MTUS2: variants seen among roughly 807,000 people sequenced by gnomAD.
The protein encoded by MTUS2 is microtubule associated scaffold protein 2, also known as microtubule-associated tumor suppressor candidate 2.
A neutral mutation model predicts 114.1 loss-of-function variants in MTUS2; 40 were observed. The observed-to-expected ratio is 0.35, with a 90% confidence interval of 0.27 to 0.46. The LOEUF (loss-of-function observed/expected upper bound fraction) is 0.46, where lower values mean the gene tolerates loss of function less well. MTUS2 is among the 20% of genes least tolerant of loss of function. The pLI is 1.00. For synonymous variants in MTUS2, 688 were observed against 672.0 expected (o/e 1.02, Z -0.37); for missense variants, 1,679 against 1,705.4 (o/e 0.98, Z 0.27).
chr13:28,831,736 T>TTC (rs1874694013), intron 1 of MTUS2, among the ~76,000 whole-genome samples: 1 of 150,816 alleles, frequency 6.6e-6, no homozygotes, highest in African/African-American at 2.4e-5. Flanking sequence ...TTCCTTCCTT[T>TTC]CTTCCTTCCT....
chr13:29,161,807 T>G (rs1445906913), intron 5 of MTUS2, among the ~76,000 whole-genome samples: 1 of 152,222 alleles, frequency 6.6e-6, no homozygotes, highest in Non-Finnish European at 1.5e-5. Flanking sequence ...AGCGTCCCTC[T>G]TGCTGTGTTT....
chr13:29,290,147 C>A (rs918882064), intron 6 of MTUS2, among the ~76,000 whole-genome samples: 2 of 152,168 alleles, frequency 1.3e-5, no homozygotes, highest in African/African-American at 4.8e-5. Context: ...GTAATACTTT[C>A]GGTGCCTTTC....
intron 2 of MTUS2, among the ~76,000 whole-genome samples, chr13:28,895,789 A>T (rs1219969629): frequency 1.3e-5 from 2 of 152,202 alleles, no homozygotes; most frequent in African/African-American, 2.4e-5. Context: ...ATGTAAATGA[A>T]TTAACGTTAA....
At chr13:29,305,899 G>A (rs1899428064) in intron 6 of MTUS2, among the ~76,000 whole-genome samples, 1 of 152,136 alleles carries the variant, frequency 6.6e-6, no homozygotes, top group East Asian at 1.9e-4. Context: ...GAAAATACTG[G>A]CAAACTGAAT....
chr13:29,158,135 C>T (rs1892941561), intron 5 of MTUS2, among the ~76,000 whole-genome samples: 2 of 152,144 alleles, frequency 1.3e-5, no homozygotes, highest in Admixed American at 1.3e-4. Flanking sequence ...TCCAAGGGGA[C>T]TGTCCCTCCC....
chr13:29,290,362 C>A (rs531509159), intron 6 of MTUS2, among the ~76,000 whole-genome samples: 3 of 152,228 alleles, frequency 2.0e-5, no homozygotes, highest in Admixed American at 6.5e-5. Context: ...TGGAGTCTTG[C>A]TCTGTCTCCC....
At chr13:29,082,993 C>A (rs2138737836) in intron 4 of MTUS2, among the ~76,000 whole-genome samples, 1 of 152,098 alleles carries the variant, frequency 6.6e-6, no homozygotes, top group South Asian at 2.1e-4. Flanking sequence ...GGAGGGAAGC[C>A]CATTGAAGAT....
At chr13:29,492,778 C>T in intron 12 of MTUS2, 59 bp downstream of exon 12, 1 of 1,303,234 alleles carries the variant, frequency 7.7e-7, no homozygotes, top group South Asian at 1.2e-5. Context: ...TCATTATTCC[C>T]ACCCACAAAC....
intron 5 of MTUS2, among the ~76,000 whole-genome samples, chr13:29,214,245 G>A (rs1013541786): frequency 1.3e-5 from 2 of 150,764 alleles, no homozygotes; most frequent in East Asian, 1.9e-4. Context: ...TTGAGCCTAT[G>A]TGTGTCTTTG....
At chr13:29,059,720 C>T (rs117545903) in intron 4 of MTUS2, among the ~76,000 whole-genome samples, 2,036 of 152,262 alleles carry the variant, frequency 0.013, 29 homozygotes, top group Non-Finnish European at 0.021. Context: ...GAGTTGGGGT[C>T]GGGTGGAGTC....
chr13:29,390,170 G>GTA (rs137970456), intron 8 of MTUS2, among the ~76,000 whole-genome samples: 5,090 of 147,952 alleles, frequency 0.034, 398 homozygotes, highest in African/African-American at 0.12. Flanking sequence ...ACTTGTGTGT[G>GTA]TGTGTGTTTA....
At chr13:29,055,807 G>C (rs1410910788) in intron 4 of MTUS2, among the ~76,000 whole-genome samples, 1 of 151,662 alleles carries the variant, frequency 6.6e-6, no homozygotes, top group Admixed American at 6.6e-5. Context: ...TTAATGATTA[G>C]TAATGTTGGG....
At chr13:29,421,499 A>G (rs1257804141) in intron 8 of MTUS2, among the ~76,000 whole-genome samples, 1 of 152,212 alleles carries the variant, frequency 6.6e-6, no homozygotes, top group African/African-American at 2.4e-5. Context: ...CAAACTGCAT[A>G]GAACACCAAA....
intron 2 of MTUS2, among the ~76,000 whole-genome samples, chr13:28,903,015 A>G (rs1879740059): frequency 6.6e-6 from 1 of 152,144 alleles, no homozygotes; most frequent in African/African-American, 2.4e-5. Context: ...AGGGCTGTTC[A>G]AATGATTTCT....
At chr13:29,356,037 A>T (rs1023313989) in intron 7 of MTUS2, among the ~76,000 whole-genome samples, 1 of 152,176 alleles carries the variant, frequency 6.6e-6, no homozygotes, top group Admixed American at 6.5e-5. Context: ...GGCTGCCTGC[A>T]TGGTGAGGTC....
chr13:28,880,307 C>T (rs1159507054), intron 2 of MTUS2, among the ~76,000 whole-genome samples: 1 of 152,142 alleles, frequency 6.6e-6, no homozygotes, highest in Non-Finnish European at 1.5e-5. Flanking sequence ...GAAAAAAATA[C>T]ATTTTATTAA....
chr13:29,253,671 T>G (rs1450992179), intron 5 of MTUS2, among the ~76,000 whole-genome samples: 6 of 152,148 alleles, frequency 3.9e-5, no homozygotes, highest in Admixed American at 3.9e-4. Flanking sequence ...ACCGTATTAG[T>G]CCATTTTCAT....
intron 5 of MTUS2, among the ~76,000 whole-genome samples, chr13:29,156,802 CAAAATG>C (rs1463546945): frequency 1.3e-5 from 2 of 152,144 alleles, no homozygotes; most frequent in African/African-American, 4.8e-5. Context: ...ACTCAACACT[CAAAATG>C]AATATGAATT....
intron 7 of MTUS2, among the ~76,000 whole-genome samples, chr13:29,339,386 T>C (rs1351230443): frequency 2.0e-5 from 3 of 152,180 alleles, no homozygotes; most frequent in African/African-American, 7.2e-5. Context: ...TGATGGGATC[T>C]GCTTGCTACG....
Sources: allele counts gnomAD v4.1 joint callset (sites outside exome capture counted in the v4.1 genomes callset), GRCh38; gene constraint gnomAD v4.1.1; transcripts MANE v1.5; gene names NCBI Gene and HGNC (gene_info 2026-07-23, HGNC 2026-07-21).